MYBL1: variants seen among roughly 807,000 people sequenced by gnomAD.
MYBL1 encodes the protein MYB proto-oncogene like 1.
Under a neutral mutation model 96.3 loss-of-function variants are expected in MYBL1, and 17 were observed. The observed-to-expected ratio is 0.18, with a 90% CI of 0.12 to 0.26. The LOEUF (loss-of-function observed/expected upper bound fraction) is 0.26, where lower values mean the gene tolerates loss of function less well. Ranked by LOEUF, MYBL1 falls within the 10% of genes least tolerant of loss-of-function variation. The probability of loss-of-function intolerance (pLI) is 1.00; values close to 1 mark genes in which losing one functional copy is unlikely to be tolerated. For missense variants in MYBL1, 701 were observed against 882.9 expected, an observed-to-expected ratio of 0.79 and a Z score of 2.61; for synonymous variants, 282 against 292.7, an observed-to-expected ratio of 0.96 and a Z score of 0.37.
intron 6 of MYBL1, among the ~76,000 whole-genome samples, chr8:66,594,719 T>G (rs937690257): frequency 9.9e-5 from 15 of 152,182 alleles, no homozygotes; most frequent in Admixed American, 9.2e-4. Flanking sequence ...CTTCACATGT[T>G]TTCCTATTGT....
intron 1 of MYBL1, among the ~76,000 whole-genome samples, chr8:66,604,656 G>GT (rs1232656786): frequency 6.6e-6 from 1 of 152,050 alleles, no homozygotes; most frequent in Non-Finnish European, 1.5e-5. Flanking sequence ...TAAAAGACAG[G>GT]TAAATGTGAC....
At chr8:66,568,753 G>T (rs918439814) in intron 12 of MYBL1, among the ~76,000 whole-genome samples, 6 of 152,060 alleles carry the variant, frequency 3.9e-5, no homozygotes, top group African/African-American at 1.4e-4. Flanking sequence ...CCAGCCGGGC[G>T]CAGTGGCTCA....
chr8:66,583,857 G>A (rs149245843), intron 8 of MYBL1, among the ~76,000 whole-genome samples: 212 of 152,234 alleles, frequency 1.4e-3, no homozygotes, highest in African/African-American at 4.7e-3. Flanking sequence ...GGACCCAATG[G>A]CTTCATTGCA....
At chr8:66,602,353 A>AT in intron 2 of MYBL1, 65 bp downstream of exon 2, 1 of 1,139,574 alleles carries the variant, frequency 8.8e-7, no homozygotes, top group Non-Finnish European at 1.2e-6. Flanking sequence ...ACCTGGCCGT[A>AT]TAACTATAGC....
intron 5 of MYBL1, 27 bp downstream of exon 5, chr8:66,597,303 A>C (rs1315196483): frequency 6.9e-7 from 1 of 1,457,314 alleles, no homozygotes; most frequent in Non-Finnish European, 9.2e-7. Flanking sequence ...TAAGTACAGA[A>C]AAATATATAT....
chr8:66,584,142 C>T (rs900948012), intron 8 of MYBL1, among the ~76,000 whole-genome samples: 4 of 152,112 alleles, frequency 2.6e-5, no homozygotes, highest in Admixed American at 2.0e-4. Flanking sequence ...TAAAGATTAT[C>T]TCAATAGACA....
At chr8:66,598,390 T>G (rs746203381) in intron 4 of MYBL1, among the ~76,000 whole-genome samples, 10 of 152,172 alleles carry the variant, frequency 6.6e-5, no homozygotes, top group Non-Finnish European at 1.5e-4. Flanking sequence ...ATAGCGAGAT[T>G]CCATCTCTAC....
chr8:66,607,470 C>A (rs150443011), intron 1 of MYBL1, among the ~76,000 whole-genome samples: 1,636 of 152,238 alleles, frequency 0.011, 14 homozygotes, highest in Non-Finnish European at 0.016. Context: ...CAGTACCTGC[C>A]ACTCAAATAT....
chr8:66,596,019 C>T (rs1317761182), intron 5 of MYBL1, among the ~76,000 whole-genome samples: 1 of 151,914 alleles, frequency 6.6e-6, no homozygotes, highest in Non-Finnish European at 1.5e-5. Context: ...TCACTGCTCT[C>T]GTGGAGCTTA....
At chr8:66,605,501 T>G (rs570165635) in intron 1 of MYBL1, among the ~76,000 whole-genome samples, 1 of 152,142 alleles carries the variant, frequency 6.6e-6, no homozygotes, top group East Asian at 1.9e-4. Flanking sequence ...TAAAGCCCCA[T>G]AAAAAAGGGC....
intron 2 of MYBL1, among the ~76,000 whole-genome samples, chr8:66,602,010 T>C: frequency 6.6e-6 from 1 of 152,318 alleles, no homozygotes; most frequent in African/African-American, 2.4e-5. Context: ...ATATCTTTTC[T>C]CATATTTTGT....
intron 1 of MYBL1, among the ~76,000 whole-genome samples, chr8:66,611,141 T>TA (rs1342462666): frequency 6.6e-6 from 1 of 152,160 alleles, no homozygotes; most frequent in Non-Finnish European, 1.5e-5. Context: ...TTCTGACATT[T>TA]AAACATTCGT....
intron 1 of MYBL1, among the ~76,000 whole-genome samples, chr8:66,607,135 A>ACAAC (rs1392003791): frequency 4.1e-5 from 6 of 145,412 alleles, no homozygotes; most frequent in African/African-American, 7.6e-5. Context: ...ACAACAAAAA[A>ACAAC]AAAAAAAAAA....
intron 5 of MYBL1, among the ~76,000 whole-genome samples, chr8:66,596,588 T>G (rs1473191201): frequency 1.3e-5 from 2 of 152,158 alleles, no homozygotes; most frequent in Non-Finnish European, 2.9e-5. Context: ...AAAACAAAGA[T>G]AGCAATGTTT....
chr8:66,591,346 CAAA>C (rs879848776), intron 8 of MYBL1, among the ~76,000 whole-genome samples: 5 of 142,012 alleles, frequency 3.5e-5, no homozygotes, highest in African/African-American at 1.3e-4. Flanking sequence ...AACTCTGTCT[CAAA>C]AAAAAAAAAA....
chr8:66,597,585 T>G, intron 4 of MYBL1, 35 bp from the exon 5 acceptor site: 1 of 1,307,038 alleles, frequency 7.7e-7, no homozygotes, highest in Non-Finnish European at 1.1e-6. Flanking sequence ...AAAAAAGCAT[T>G]ACCTTCAAAG....
At chr8:66,602,716 TATATATATATATATA>T in intron 1 of MYBL1, among the ~76,000 whole-genome samples, 193 bp from the exon 2 acceptor site, 1 of 40,748 alleles carries the variant, frequency 2.5e-5, no homozygotes, top group African/African-American at 1.1e-4. Flanking sequence ...TATATATATA[TATATATATATATATA>T]TATTTTTTTT....
At position 66,596,962 on chromosome 8, in the gene MYBL1, T is replaced by C. The variant is rs193286230; in HGVS notation, c.512+368A>G. 3.3e-5 allele frequency among the ~76,000 whole-genome samples: 5 copies of C among 152,290 alleles called. No individual in the cohort carries two copies. The South Asian group carries it at 6.2e-4, about 19-fold the overall frequency. Reference sequence around the variant, plus strand: ...GCATATCATTCCCTGGTCTTACACATAGAACGCAATATGAAAGAAATCTTA... The same window carrying C: ...GCATATCATTCCCTGGTCTTACACACAGAACGCAATATGAAAGAAATCTTA... On this transcript the variant is annotated intron_variant, in intron 5 of 15. Transcript: ENST00000522677.
intron 1 of MYBL1, among the ~76,000 whole-genome samples, chr8:66,604,444 A>G (rs180824902): frequency 6.6e-6 from 1 of 151,964 alleles, no homozygotes; most frequent in African/African-American, 2.4e-5. Flanking sequence ...AATCGCTTGT[A>G]CCCAGTGAGC....
Sources: allele counts gnomAD v4.1 joint callset (sites outside exome capture counted in the v4.1 genomes callset), GRCh38; gene constraint gnomAD v4.1.1; transcripts MANE v1.5; gene names NCBI Gene and HGNC (gene_info 2026-07-23, HGNC 2026-07-21).